Variants in COL26A1 observed in about 807,000 individuals in gnomAD.
The protein encoded by COL26A1 is collagen alpha-1(XXVI) chain.
Under a neutral mutation model 59.3 loss-of-function variants are expected in COL26A1, and 41 were observed. The ratio of observed to expected loss-of-function variants is 0.69; its 90% CI spans 0.54 to 0.90. The LOEUF is 0.90. COL26A1 is among the 40% of genes least tolerant of loss of function. COL26A1 has a pLI of 0.00. For synonymous variants in COL26A1, 266 were observed against 256.0 expected, an observed-to-expected ratio of 1.04 and a Z score of -0.37; for missense variants, 612 against 602.3, an observed-to-expected ratio of 1.02 and a Z score of -0.17.
At chr7:101,449,218 G>A (rs528274112) in intron 3 of COL26A1, among the ~76,000 whole-genome samples, 1 of 152,278 alleles carries the variant, frequency 6.6e-6, no homozygotes, top group East Asian at 1.9e-4. Flanking sequence ...CAGTGGGCTG[G>A]CCCTGGCATA....
chr7:101,418,841 C>T (rs943400124), intron 1 of COL26A1, among the ~76,000 whole-genome samples: 2 of 151,624 alleles, frequency 1.3e-5, no homozygotes, highest in African/African-American at 2.4e-5. Context: ...TGTTTGTGTA[C>T]GTCCCTTCCT....
chr7:101,409,401 C>A (rs1258537707), intron 1 of COL26A1, among the ~76,000 whole-genome samples: 1 of 152,240 alleles, frequency 6.6e-6, no homozygotes, highest in Non-Finnish European at 1.5e-5. Context: ...ACTACATACT[C>A]ATTCTGTGAC....
intron 2 of COL26A1, among the ~76,000 whole-genome samples, chr7:101,420,586 G>A (rs965257390): frequency 2.8e-4 from 43 of 151,920 alleles, no homozygotes; most frequent in Non-Finnish European, 4.6e-4. Flanking sequence ...CCCCTCACGA[G>A]GCCTGCCTTT....
chr7:101,387,765 TATATATA>T (rs1281713923), intron 1 of COL26A1, among the ~76,000 whole-genome samples: 44 of 49,154 alleles, frequency 9.0e-4, no homozygotes, highest in African/African-American at 2.0e-3. Flanking sequence ...TATATATATA[TATATATA>T]TATATATTTT....
At chr7:101,446,426 C>T (rs897348743) in intron 2 of COL26A1, among the ~76,000 whole-genome samples, 3 of 152,184 alleles carry the variant, frequency 2.0e-5, no homozygotes, top group East Asian at 1.9e-4. Flanking sequence ...GTTCCATCCA[C>T]GTTTAGATCA....
intron 1 of COL26A1, among the ~76,000 whole-genome samples, chr7:101,400,334 T>G (rs1791962765): frequency 6.7e-6 from 1 of 150,040 alleles, no homozygotes; most frequent in African/African-American, 2.5e-5. Context: ...CAGTCCACAC[T>G]GCCTTTCTTT....
At chr7:101,381,906 C>A (rs1791460403) in intron 1 of COL26A1, among the ~76,000 whole-genome samples, 1 of 152,048 alleles carries the variant, frequency 6.6e-6, no homozygotes, top group Non-Finnish European at 1.5e-5. Flanking sequence ...TACTGGGGAG[C>A]CTTGGAGGGT....
At chr7:101,429,352 A>G (rs1206412493) in intron 2 of COL26A1, among the ~76,000 whole-genome samples, 2 of 152,076 alleles carry the variant, frequency 1.3e-5, no homozygotes, top group Non-Finnish European at 2.9e-5. Context: ...ATGGATGCCT[A>G]ATTGTTCTAG....
At chr7:101,441,166 C>T (rs1391436864) in intron 2 of COL26A1, among the ~76,000 whole-genome samples, 1 of 152,042 alleles carries the variant, frequency 6.6e-6, no homozygotes, top group South Asian at 2.1e-4. Flanking sequence ...GGGTTCAGAT[C>T]CCAGTTCCAC....
At chr7:101,366,579 C>T (rs940231817) in intron 1 of COL26A1, among the ~76,000 whole-genome samples, 1 of 146,376 alleles carries the variant, frequency 6.8e-6, no homozygotes, top group South Asian at 2.2e-4. Context: ...TAGCTCACTG[C>T]AGCCTCGACC....
chr7:101,491,614 G>T (rs544097405), intron 3 of COL26A1, among the ~76,000 whole-genome samples: 4 of 152,146 alleles, frequency 2.6e-5, no homozygotes, highest in Non-Finnish European at 4.4e-5. Flanking sequence ...GATTATTCAT[G>T]CCTCCCCTTT....
intron 3 of COL26A1, among the ~76,000 whole-genome samples, chr7:101,492,552 C>A (rs1286408329): frequency 1.3e-5 from 2 of 151,350 alleles, no homozygotes; most frequent in Non-Finnish European, 2.9e-5. Context: ...CAAAAATTAG[C>A]TGGGTGTGGT....
chr7:101,392,636 G>C (rs1791760762), intron 1 of COL26A1, among the ~76,000 whole-genome samples: 2 of 151,648 alleles, frequency 1.3e-5, no homozygotes, highest in South Asian at 4.2e-4. Flanking sequence ...TCCTGACCTC[G>C]AGTGATCCAC....
Position 101,520,704 on chromosome 7 carries a change from G to T in COL26A1, c.386-12378G>T, listed in dbSNP as rs192896746. On this transcript the variant is annotated intron_variant, in intron 3 of 12. Transcript: ENST00000313669. ...TGTTTTTGCTCCAGCAGGGGGACAT[G>T]TGGAGTGGTCTTCCTTTTGCTCCCC... is the stretch of plus-strand genomic sequence containing the variant. Among the ~76,000 whole-genome samples, 480 of 150,992 alleles carry T rather than the reference G, an allele frequency of 3.2e-3. 1 individual carries two copies. Among genetic ancestry groups the T allele is most frequent in the Non-Finnish European group, 3.8e-3 (261 of 67,862 alleles).
At chr7:101,435,279 A>G (rs1433607851) in intron 2 of COL26A1, among the ~76,000 whole-genome samples, 1 of 152,158 alleles carries the variant, frequency 6.6e-6, no homozygotes, top group Non-Finnish European at 1.5e-5. Flanking sequence ...AGATTGTGCC[A>G]CTGCACTCCA....
intron 3 of COL26A1, among the ~76,000 whole-genome samples, chr7:101,481,453 TA>T (rs2130493278): frequency 6.7e-6 from 1 of 148,696 alleles, no homozygotes; most frequent in African/African-American, 2.5e-5. Flanking sequence ...CCAAAATATA[TA>T]TATATATATA....
chr7:101,409,964 G>T (rs1792206889), intron 1 of COL26A1, among the ~76,000 whole-genome samples: 1 of 152,132 alleles, frequency 6.6e-6, no homozygotes, highest in African/African-American at 2.4e-5. Context: ...GTTTCACCAT[G>T]TTAGCCAGGA....
At chr7:101,522,101 A>G (rs1264706211) in intron 3 of COL26A1, among the ~76,000 whole-genome samples, 1 of 152,082 alleles carries the variant, frequency 6.6e-6, no homozygotes, top group Non-Finnish European at 1.5e-5. Flanking sequence ...CAGTGAACAT[A>G]TTTATTCATT....
intron 2 of COL26A1, among the ~76,000 whole-genome samples, chr7:101,443,895 C>G (rs1793121770): frequency 7.4e-6 from 1 of 134,462 alleles, no homozygotes; most frequent in Non-Finnish European, 1.6e-5. Flanking sequence ...TTTTCAGAGA[C>G]AGGGTCTTGC....
Sources: gnomAD v4.1 joint callset for allele counts (sites outside exome capture counted in the v4.1 genomes callset) on GRCh38, gnomAD v4.1.1 for gene constraint, MANE v1.5 for transcripts, NCBI Gene and HGNC (gene_info 2026-07-23, HGNC 2026-07-21) for gene names.